RGS17: variants seen among roughly 807,000 people sequenced by gnomAD.
The protein encoded by RGS17 is regulator of G protein signaling 17, also known as regulator of G-protein signaling 17.
Under a neutral mutation model 25.5 loss-of-function variants are expected in RGS17, and 12 were observed. That is an observed-to-expected ratio of 0.47 (90% CI 0.30 to 0.76). The LOEUF (loss-of-function observed/expected upper bound fraction) is 0.76, where lower values mean the gene tolerates loss of function less well. Among genes scored for constraint, RGS17 ranks in the 30% least tolerant of loss-of-function variants. RGS17 has a pLI of 0.07. For synonymous variants in RGS17, 71 were observed against 76.9 expected (o/e 0.92, Z 0.40); for missense variants, 196 against 242.2 (o/e 0.81, Z 1.27).
At chr6:153,111,349 C>A (rs1374507899) in intron 1 of RGS17, among the ~76,000 whole-genome samples, 3 of 152,204 alleles carry the variant, frequency 2.0e-5, no homozygotes, top group Admixed American at 2.0e-4. Context: ...GCTGACCCCA[C>A]CACAGCTCTG....
chr6:153,112,642 T>A (rs1452243884), intron 1 of RGS17, among the ~76,000 whole-genome samples: 1 of 151,818 alleles, frequency 6.6e-6, no homozygotes, highest in Non-Finnish European at 1.5e-5. Context: ...AAGGTTGAAA[T>A]GAAGGAAAAA....
chr6:153,033,328 G>A (rs1421629178), intron 2 of RGS17, among the ~76,000 whole-genome samples: 1 of 152,172 alleles, frequency 6.6e-6, no homozygotes, highest in African/African-American at 2.4e-5. Context: ...TTTATGTTCA[G>A]TTAGATGACC....
Position 153,071,082 on chromosome 6 carries a change from C to T in RGS17, c.-25-27039G>A, listed in dbSNP as rs373956670. On this transcript the variant is annotated intron_variant, in intron 1 of 4. Transcript: ENST00000206262. ...GCATATGTACATATACGTATATGTA[C>T]ACATGTATATATACACACTCATATA... 8.6e-4 allele frequency among the ~76,000 whole-genome samples: 128 copies of T among 149,334 alleles called. 7 individuals carry two copies. Among genetic ancestry groups the T allele is most frequent in the Admixed American group, 2.3e-3 (34 of 14,924 alleles).
At chr6:153,102,717 G>A (rs1377676536) in intron 1 of RGS17, among the ~76,000 whole-genome samples, 1 of 152,156 alleles carries the variant, frequency 6.6e-6, no homozygotes, top group Non-Finnish European at 1.5e-5. Context: ...ATCCTCGAAT[G>A]TTTTTTCTTT....
chr6:153,045,157 AT>A (rs960456256), intron 1 of RGS17, among the ~76,000 whole-genome samples: 7 of 152,160 alleles, frequency 4.6e-5, no homozygotes, highest in African/African-American at 7.2e-5. Flanking sequence ...AGATAAACAT[AT>A]TTTTCGACCA....
At chr6:153,129,664 G>A (rs1400874752) in intron 1 of RGS17, among the ~76,000 whole-genome samples, 2 of 152,164 alleles carry the variant, frequency 1.3e-5, no homozygotes, top group African/African-American at 2.4e-5. Flanking sequence ...ACCAAACTAA[G>A]ATTTCTCTTT....
At chr6:153,023,421 C>A in intron 4 of RGS17, 1 of 500,638 alleles carries the variant, frequency 2.0e-6, no homozygotes, top group African/African-American at 1.9e-5. Flanking sequence ...TTGAAGCCCT[C>A]TGGAGCTCCA....
intron 2 of RGS17, among the ~76,000 whole-genome samples, chr6:153,032,015 C>A (rs1779368772): frequency 6.6e-6 from 1 of 152,148 alleles, no homozygotes; most frequent in South Asian, 2.1e-4. Context: ...GTATGACTTT[C>A]TTCCATTAGC....
At chr6:153,029,501 A>G (rs539723512) in intron 2 of RGS17, among the ~76,000 whole-genome samples, 2 of 151,776 alleles carry the variant, frequency 1.3e-5, no homozygotes, top group Admixed American at 1.3e-4. Context: ...CAACTTATAT[A>G]TGTTATATGT....
rs1033951865 is a variant in RGS17, at chr6:153,005,234, T to C, written c.*6340A>G. ...TTAATATCCAAAGTATGTGGAGGAT[T>C]ATTGTAAATTGCGCAGACAGTTCAA... On this transcript the variant is annotated 3_prime_UTR_variant, in exon 5 of 5. Coordinates refer to ENST00000206262, the MANE Select transcript of RGS17 (RefSeq NM_012419.5). 2.0e-5 allele frequency: 3 copies of C among 152,206 alleles called. No individual in the cohort carries two copies. The highest frequency in any genetic ancestry group is 7.2e-5 in the African/African-American group (3 of 41,460). 9.4% of individuals were successfully genotyped at this position (152,206 alleles called of 1,614,324 possible).
At chr6:153,015,776 C>G (rs1348821790) in intron 4 of RGS17, among the ~76,000 whole-genome samples, 1 of 151,970 alleles carries the variant, frequency 6.6e-6, no homozygotes, top group Non-Finnish European at 1.5e-5. Flanking sequence ...GCCTCAGCCT[C>G]CTGAGTAGCG....
intron 1 of RGS17, among the ~76,000 whole-genome samples, chr6:153,111,804 T>G (rs533263466): frequency 6.6e-6 from 1 of 152,256 alleles, no homozygotes; most frequent in South Asian, 2.1e-4. Context: ...GCAAACAGGG[T>G]CTGGAGTGGA....
chr6:153,019,524 T>C (rs1399534386), intron 4 of RGS17, among the ~76,000 whole-genome samples: 2 of 152,176 alleles, frequency 1.3e-5, no homozygotes, highest in South Asian at 2.1e-4. Flanking sequence ...GGGAGATGAC[T>C]GGTTCATGGG....
At chr6:153,087,330 C>G (rs1777065162) in intron 1 of RGS17, among the ~76,000 whole-genome samples, 1 of 152,164 alleles carries the variant, frequency 6.6e-6, no homozygotes, top group African/African-American at 2.4e-5. Context: ...ATGTAGAAAA[C>G]ACAGATATAC....
At position 153,130,374 on chromosome 6, in the gene RGS17, G is replaced by A. The variant is rs1777768843; in HGVS notation, c.-26+750C>T. On this transcript the variant is annotated intron_variant, in intron 1 of 4. Transcript: ENST00000206262. The surrounding 1 kb of genome is among the most constrained non-coding windows in gnomAD (Gnocchi z 6.4). ...GGCGTTCCTCGTCCTCGCCCCCTCG[G>A]TGGCTGTGGAATCCACCCCGCGCCG... Among the ~76,000 whole-genome samples, 2 of 151,880 alleles carry A rather than the reference G, an allele frequency of 1.3e-5. No homozygotes were observed. Among genetic ancestry groups the A allele is most frequent in the Non-Finnish European group, 2.9e-5 (2 of 67,966 alleles).
rs1328962188 is a variant in RGS17 at position 153,007,087 on chromosome 6, C to G, written c.*4487G>C. 1.3e-5 allele frequency: 2 copies of G among 152,146 alleles called. No homozygotes were observed. The highest frequency in any genetic ancestry group is 4.8e-5 in the African/African-American group (2 of 41,440). 9.4% of individuals were successfully genotyped at this position (152,146 alleles called of 1,614,324 possible). On this transcript the variant is annotated 3_prime_UTR_variant, in exon 5 of 5. Transcript: ENST00000206262. ...GTCTTGAACAGCCTCTTGAATTCAT[C>G]TGAAAAGATGTTACTTGGGGCTGGA...
intron 1 of RGS17, among the ~76,000 whole-genome samples, chr6:153,079,671 C>T (rs761941792): frequency 8.5e-5 from 13 of 152,108 alleles, no homozygotes; most frequent in Non-Finnish European, 1.5e-4. Context: ...GTTATGATCT[C>T]TTATCTTTTC....
intron 2 of RGS17, among the ~76,000 whole-genome samples, chr6:153,041,943 T>C (rs553389643): frequency 2.6e-5 from 4 of 152,334 alleles, no homozygotes; most frequent in African/African-American, 9.6e-5. Context: ...CTTGGCTTGT[T>C]ATGTATTTTA....
At chr6:153,122,168 T>C (rs139755060) in intron 1 of RGS17, among the ~76,000 whole-genome samples, 330 of 152,310 alleles carry the variant, frequency 2.2e-3, no homozygotes, top group Admixed American at 3.7e-3. Flanking sequence ...TCCCCCTCTA[T>C]TCTCAAGTAT....
Sources: gnomAD v4.1 joint callset for allele counts (sites outside exome capture counted in the v4.1 genomes callset) on GRCh38, gnomAD v4.1.1 for gene constraint, Gnocchi (gnomAD v3.1) non-coding constraint, MANE v1.5 for transcripts, NCBI Gene and HGNC (gene_info 2026-07-23, HGNC 2026-07-21) for gene names.